The following SHANK2 variants were observed in gnomAD, a reference collection of about 807,000 sequenced individuals.
SHANK2 encodes the protein SH3 and multiple ankyrin repeat domains 2, also known as SH3 and multiple ankyrin repeat domains protein 2.
SHANK2 carries 43 observed loss-of-function variants against 133.7 expected under a neutral mutation model. The observed-to-expected ratio is 0.32, with a 90% CI of 0.25 to 0.41. The LOEUF (loss-of-function observed/expected upper bound fraction) is 0.41. SHANK2 is among the 10% of genes least tolerant of loss of function. SHANK2 has a pLI of 1.00. For missense variants in SHANK2, 1,994 were observed against 2,235.8 expected (o/e 0.89, Z 2.18); for synonymous variants, 1,017 against 952.8 (o/e 1.07, Z -1.24).
At chr11:71,177,609 G>A (rs1224270581) in intron 2 of SHANK2, among the ~76,000 whole-genome samples, 1 of 152,064 alleles carries the variant, frequency 6.6e-6, no homozygotes, top group African/African-American at 2.4e-5. Flanking sequence ...AAGAAGAAAA[G>A]CAGAATGATG....
At chr11:70,676,888 C>T (rs1244427511) in intron 15 of SHANK2, among the ~76,000 whole-genome samples, 1 of 152,114 alleles carries the variant, frequency 6.6e-6, no homozygotes, top group African/African-American at 2.4e-5. Context: ...TAGTCACAAC[C>T]CCTCATCTCA....
intron 11 of SHANK2, among the ~76,000 whole-genome samples, chr11:70,847,154 C>T (rs1453481339): frequency 6.6e-6 from 1 of 152,176 alleles, no homozygotes; most frequent in African/African-American, 2.4e-5. Flanking sequence ...CGACCCACAC[C>T]CCAGTACAGG....
intron 11 of SHANK2, among the ~76,000 whole-genome samples, chr11:70,843,889 G>A (rs559844511): frequency 2.6e-5 from 4 of 152,290 alleles, no homozygotes; most frequent in East Asian, 1.9e-4. Context: ...TGGTGCTTCC[G>A]TCGGAAGGCC....
intron 17 of SHANK2, among the ~76,000 whole-genome samples, chr11:70,566,881 C>T (rs2059975194): frequency 6.6e-6 from 1 of 152,212 alleles, no homozygotes; most frequent in Non-Finnish European, 1.5e-5. Context: ...AGAAAAGCCT[C>T]ATGCCTTTGA....
chr11:70,759,529 C>CA (rs1946945631), intron 14 of SHANK2, among the ~76,000 whole-genome samples: 2 of 152,122 alleles, frequency 1.3e-5, no homozygotes, highest in African/African-American at 4.8e-5. Context: ...CATGATGGGA[C>CA]AGGAGGTTGG....
intron 17 of SHANK2, among the ~76,000 whole-genome samples, chr11:70,641,410 C>T (rs989228441): frequency 3.3e-5 from 5 of 152,214 alleles, no homozygotes; most frequent in East Asian, 1.9e-4. Flanking sequence ...TTTTCTTAAA[C>T]GTGCTTTAGC....
chr11:70,608,254 C>T lies in SHANK2; in HGVS notation c.2061+51574G>A, dbSNP rs565984015. 7.2e-5 allele frequency among the ~76,000 whole-genome samples: 11 copies of T among 152,228 alleles called. No homozygotes were observed. The South Asian group carries it at 1.0e-3, about 14-fold the overall frequency. The stretch of plus-strand genomic sequence containing the variant: ...TCCCAAAGTGCTTGGATTGTGGGTG[C>T]GAACCACCTCACCCAGCCAGAAGGG... On this transcript the variant is annotated intron_variant, in intron 17 of 25. Transcript: ENST00000601538.
intron 17 of SHANK2, among the ~76,000 whole-genome samples, chr11:70,623,242 C>T (rs772429889): frequency 4.6e-5 from 7 of 152,360 alleles, no homozygotes; most frequent in African/African-American, 9.6e-5. Context: ...CCACCCTTCC[C>T]GCACTTGGGT....
intron 11 of SHANK2, among the ~76,000 whole-genome samples, chr11:70,853,121 A>G (rs1949115184): frequency 6.6e-6 from 1 of 152,238 alleles, no homozygotes; most frequent in Non-Finnish European, 1.5e-5. Flanking sequence ...GGAGACAGCA[A>G]TCCTTGGCAG....
intron 17 of SHANK2, among the ~76,000 whole-genome samples, chr11:70,560,277 A>G (rs1328989503): frequency 6.6e-6 from 1 of 152,184 alleles, no homozygotes; most frequent in Non-Finnish European, 1.5e-5. Flanking sequence ...ATTCGAAAAT[A>G]CCTCTACCAT....
rs116943344 is a variant in SHANK2 at position 70,604,966 on chromosome 11, G to A, written c.2061+54862C>T. 7.3e-3 allele frequency: 1,116 copies of A among 153,160 alleles called. 8 individuals are homozygous for A. The highest frequency in any genetic ancestry group is 9.5e-3 in the Non-Finnish European group (653 of 68,734). The allele number at this position is 153,160 out of a possible 1,614,324, so 9.5% of individuals were successfully genotyped here. The stretch of plus-strand genomic sequence containing the variant: ...GCGTGTGAGTCACAAGGCAGGTTCC[G>A]CGGTTTCAGGGCCCATCGGGATTCA... On this transcript the variant is annotated intron_variant, in intron 17 of 25. Transcript: ENST00000601538.
chr11:70,860,620 T>G (rs1443058691), intron 11 of SHANK2, among the ~76,000 whole-genome samples: 1 of 152,228 alleles, frequency 6.6e-6, no homozygotes, highest in Admixed American at 6.5e-5. Context: ...ATTTCTCCCT[T>G]ACTCTCTCAC....
intron 17 of SHANK2, among the ~76,000 whole-genome samples, chr11:70,552,216 A>G (rs2136087064): frequency 6.6e-6 from 1 of 152,260 alleles, no homozygotes; most frequent in Admixed American, 6.5e-5. Context: ...TCCCAGGTAC[A>G]GCCAGGCTGC....
Position 70,946,937 on chromosome 11 carries a change from T to C in SHANK2, c.1108-50370A>G, listed in dbSNP as rs1590862830. Reference sequence around the variant, plus strand: ...CCCCAGGCTCACCCTCCCTCTCCACTAACCAACTCTTCCCCAGGCTCACCC... The same window carrying C: ...CCCCAGGCTCACCCTCCCTCTCCACCAACCAACTCTTCCCCAGGCTCACCC... On this transcript the variant is annotated intron_variant, in intron 10 of 25. Coordinates refer to ENST00000601538, the MANE Select transcript of SHANK2 (RefSeq NM_012309.5). Among the ~76,000 whole-genome samples, 3 of 121,098 alleles carry C rather than the reference T, an allele frequency of 2.5e-5. No individual in the cohort carries two copies. In the South Asian group the frequency reaches 8.5e-4, roughly 34 times the overall value. The allele number at this position is 121,098 out of a possible 152,430, so 79.4% of individuals were successfully genotyped here.
At chr11:70,839,706 G>A (rs189064561) in intron 11 of SHANK2, among the ~76,000 whole-genome samples, 112 of 152,246 alleles carry the variant, frequency 7.4e-4, no homozygotes, top group Admixed American at 1.7e-3. Flanking sequence ...TTTTTAGATC[G>A]AGGTGTCCCC....
chr11:70,880,007 G>A (rs1291427826), intron 11 of SHANK2, among the ~76,000 whole-genome samples: 6 of 152,186 alleles, frequency 3.9e-5, no homozygotes, highest in Non-Finnish European at 7.3e-5. Flanking sequence ...GCTGTGCTGT[G>A]GCCCACTCAG....
At chr11:70,735,347 A>T (rs569794433) in intron 14 of SHANK2, among the ~76,000 whole-genome samples, 2 of 152,218 alleles carry the variant, frequency 1.3e-5, no homozygotes, top group South Asian at 4.2e-4. Flanking sequence ...CCAGAGAGGA[A>T]GAGGAAGCCA....
At chr11:70,885,774 G>T (rs1397838395) in intron 11 of SHANK2, among the ~76,000 whole-genome samples, 1 of 152,064 alleles carries the variant, frequency 6.6e-6, no homozygotes, top group African/African-American at 2.4e-5. Context: ...ATCCTCCAGC[G>T]GACACTCCCT....
At chr11:70,540,853 A>AAC (rs1554975052) in intron 17 of SHANK2, among the ~76,000 whole-genome samples, 3 of 151,448 alleles carry the variant, frequency 2.0e-5, no homozygotes, top group Non-Finnish European at 2.9e-5. Context: ...AAAAAAAAAA[A>AAC]AAAAAAAACT....
Sources: gnomAD v4.1 joint callset for allele counts (sites outside exome capture counted in the v4.1 genomes callset) on GRCh38, gnomAD v4.1.1 for gene constraint, MANE v1.5 for transcripts, NCBI Gene and HGNC (gene_info 2026-07-23, HGNC 2026-07-21) for gene names.